The following CHD7 variants were observed in gnomAD, a reference collection of about 807,000 sequenced individuals.
CHD7 encodes ATP-dependent chromatin remodeler CHD7.
In CHD7, 24 loss-of-function variants were observed where a neutral mutation model predicts 307.3. The ratio of observed to expected loss-of-function variants is 0.08; its 90% CI spans 0.06 to 0.11. The LOEUF (loss-of-function observed/expected upper bound fraction) is 0.11, where lower values mean the gene tolerates loss of function less well. Among genes scored for constraint, CHD7 ranks in the 10% least tolerant of loss-of-function variants. The probability of loss-of-function intolerance (pLI) is 1.00; values close to 1 mark genes in which losing one functional copy is unlikely to be tolerated. For missense variants in CHD7, 3,106 were observed against 3,727.1 expected (o/e 0.83, Z 4.34); for synonymous variants, 1,363 against 1,349.9 (o/e 1.01, Z -0.21).
intron 1 of CHD7, among the ~76,000 whole-genome samples, chr8:60,725,677 A>C (rs971782146): frequency 6.6e-6 from 1 of 152,152 alleles, no homozygotes; most frequent in Non-Finnish European, 1.5e-5. Flanking sequence ...ATTTTGATGG[A>C]AGGGTTACAG....
intron 4 of CHD7, 55 bp downstream of exon 4, chr8:60,795,182 G>T: frequency 6.4e-7 from 1 of 1,562,366 alleles, no homozygotes; most frequent in Admixed American, 1.7e-5. Flanking sequence ...GGTAACTTTA[G>T]CCATGTATGA....
chr8:60,819,962 A>C (rs6471902), intron 8 of CHD7, 45 bp from the exon 9 acceptor site: 2 of 1,285,734 alleles, frequency 1.6e-6, no homozygotes, highest in Non-Finnish European at 2.2e-6. Flanking sequence ...ATTTCATCTT[A>C]GGAAATAAGT....
Position 60,850,582 on chromosome 8 carries a change from G to A in CHD7, c.5494G>A (p.Glu1832Lys), listed in dbSNP as rs763196772. Residue 1832 changes from glutamate to lysine, a missense_variant, in exon 26 of 38, where the codon GAG becomes AAG. Physicochemically the swap from Glu to Lys is moderately conservative, Grantham distance 56. This residue lies in a region of CHD7 where 1,030 missense variants were observed against 1,165.4 expected (regional missense o/e 0.88). Transcript: ENST00000423902. ...GMPDAKAIAA[E>K]QRGTDMLADG... ...GCCTGATGCCAAGGCCATAGCTGCC[G>A]AGCAAAGAGGAACAGACATGCTAGC... The A allele has an allele frequency of 5.6e-6, 9 of 1,613,034 alleles. No homozygotes were observed. Among genetic ancestry groups the A allele is most frequent in the Non-Finnish European group, 7.6e-6 (9 of 1,179,418 alleles).
At chr8:60,743,717 T>G (rs1370467855) in intron 2 of CHD7, among the ~76,000 whole-genome samples, 1 of 152,236 alleles carries the variant, frequency 6.6e-6, no homozygotes, top group Admixed American at 6.5e-5. Flanking sequence ...CTTCCTTTTT[T>G]GTAAGCTGAC....
chr8:60,854,629 C>T, intron 32 of CHD7, 106 bp downstream of exon 32: 1 of 1,039,500 alleles, frequency 9.6e-7, no homozygotes, highest in East Asian at 2.4e-5. Context: ...ACTTTTGACA[C>T]AGTATATGAA....
Position 60,743,085 on chromosome 8 carries a change from G to A in CHD7, c.1653G>A (p.Val551=), listed in dbSNP as rs778672061. The stretch of plus-strand genomic sequence containing the variant: ...CACCCCAGAACACCCCGCAGAAAGT[G>A]CCTGTGCATCAGGTAAGGGGACACA... The part of the protein sequence containing the change: ...HPSPQNTPQK[V]PVHQHSPSEP... Residue 551 remains valine, a synonymous_variant, in exon 2 of 38, where the codon GTG becomes GTA. Transcript: ENST00000423902. The A allele has an allele frequency of 3.1e-6, 5 of 1,613,434 alleles. No homozygotes were observed. The highest frequency in any genetic ancestry group is 4.2e-6 in the Non-Finnish European group (5 of 1,179,660).
intron 2 of CHD7, among the ~76,000 whole-genome samples, chr8:60,743,822 C>T (rs1410989380): frequency 6.6e-6 from 1 of 152,132 alleles, no homozygotes; most frequent in East Asian, 1.9e-4. Context: ...TGTTTATGCC[C>T]TAGGTCTGTG....
intron 36 of CHD7, 68 bp downstream of exon 36, chr8:60,862,404 C>A: frequency 6.5e-7 from 1 of 1,528,844 alleles, no homozygotes; most frequent in South Asian, 1.3e-5. Context: ...TTTTATCCTG[C>A]CTTCTTCTAT....
chr8:60,754,818 T>C (rs1809808168), intron 2 of CHD7, among the ~76,000 whole-genome samples: 2 of 152,268 alleles, frequency 1.3e-5, no homozygotes, highest in African/African-American at 4.8e-5. Context: ...GGATGGTCGC[T>C]GGTATTCCCT....
chr8:60,811,629 AAT>A (rs1812812449), intron 7 of CHD7, among the ~76,000 whole-genome samples: 1 of 152,206 alleles, frequency 6.6e-6, no homozygotes, highest in Non-Finnish European at 1.5e-5. Flanking sequence ...ATAATGCTAC[AAT>A]ATATATTCTC....
intron 2 of CHD7, among the ~76,000 whole-genome samples, chr8:60,752,206 G>A (rs1465248259): frequency 1.3e-5 from 2 of 152,138 alleles, no homozygotes; most frequent in Non-Finnish European, 2.9e-5. Context: ...TTGTTTTAGG[G>A]TGTAAGCAAG....
chr8:60,813,001 A>G (rs574728266), intron 7 of CHD7, among the ~76,000 whole-genome samples: 12 of 152,210 alleles, frequency 7.9e-5, no homozygotes, highest in Admixed American at 5.9e-4. Flanking sequence ...CATTGTGTTA[A>G]ATTTACAAAT....
In CHD7 at chr8:60,749,585, G is replaced by A. The variant is rs1286649157; in HGVS notation, c.1665+6488G>A. ...ACTTCTAAAGACATCTGGGAAAGAT[G>A]GGAAAACAAAATGTCTCTAAAAAAA... On this transcript the variant is annotated intron_variant, in intron 2 of 37. Coordinates refer to ENST00000423902, the MANE Select transcript of CHD7 (RefSeq NM_017780.4). 3.0e-5 allele frequency among the ~76,000 whole-genome samples: 4 copies of A among 131,174 alleles called. No individual in the cohort carries two copies. In the Admixed American group the frequency reaches 3.4e-4, roughly 11 times the overall value. The allele number at this position is 131,174 out of a possible 152,430, so 86.1% of individuals were successfully genotyped here.
At chr8:60,783,375 A>C (rs963709637) in intron 3 of CHD7, among the ~76,000 whole-genome samples, 4 of 152,226 alleles carry the variant, frequency 2.6e-5, no homozygotes, top group Non-Finnish European at 5.9e-5. Flanking sequence ...AGTCCCAGGC[A>C]TGCCATGTCT....
chr8:60,860,875 G>C lies in CHD7; in HGVS notation c.7609-29G>C, dbSNP rs754277988. On this transcript the variant is annotated intron_variant, in intron 34 of 37. Transcript: ENST00000423902. Reference sequence around the variant, plus strand: ...TGTCAGAGGCTCTCTCTTCGTGTGAGAATTCATACCATTGTGAACTTTCTG... The same window carrying C: ...TGTCAGAGGCTCTCTCTTCGTGTGACAATTCATACCATTGTGAACTTTCTG... 6.5e-6 allele frequency: 10 copies of C among 1,541,958 alleles called. No homozygotes were observed. The Admixed American group carries it at 1.1e-4, about 16-fold the overall frequency.
chr8:60,680,756 GGA>G (rs1047226227), intron 1 of CHD7, among the ~76,000 whole-genome samples: 50 of 152,224 alleles, frequency 3.3e-4, no homozygotes, highest in African/African-American at 1.1e-3. Flanking sequence ...CAACCCACAT[GGA>G]GAGAGTTTCC....
At chr8:60,836,777 C>T in intron 16 of CHD7, 40 bp from the exon 17 acceptor site, 1 of 1,468,530 alleles carries the variant, frequency 6.8e-7, no homozygotes, top group Non-Finnish European at 9.4e-7. Flanking sequence ...TATGTTGTCG[C>T]TATGCGTCAG....
intron 1 of CHD7, among the ~76,000 whole-genome samples, chr8:60,730,785 G>C (rs184488836): frequency 6.6e-6 from 1 of 152,144 alleles, no homozygotes; most frequent in African/African-American, 2.4e-5. Context: ...GCGTGAACCC[G>C]GGAGGTGGAG....
chr8:60,743,234 A>G, intron 2 of CHD7, 137 bp downstream of exon 2: 1 of 766,880 alleles, frequency 1.3e-6, no homozygotes, highest in Non-Finnish European at 2.2e-6. Flanking sequence ...TTATTGGCTT[A>G]TGCATTTATT....
Sources: gnomAD v4.1 joint callset for allele counts (sites outside exome capture counted in the v4.1 genomes callset) on GRCh38, gnomAD v4.1.1 for gene constraint, gnomAD v4.1.1 regional missense constraint, MANE v1.5 for transcripts, NCBI Gene and HGNC (gene_info 2026-07-23, HGNC 2026-07-21) for gene names.